The following CTSS variants were observed in gnomAD, a reference collection of about 807,000 sequenced individuals.
The protein encoded by CTSS is cathepsin S.
Under a neutral mutation model 39.9 loss-of-function variants are expected in CTSS, and 15 were observed. The ratio of observed to expected loss-of-function variants is 0.38; its 90% CI spans 0.25 to 0.58. The LOEUF (loss-of-function observed/expected upper bound fraction) is 0.58. Among genes scored for constraint, CTSS ranks in the 20% least tolerant of loss-of-function variants. CTSS has a pLI of 0.70. For missense variants in CTSS, 250 were observed against 398.2 expected (o/e 0.63, Z 3.17); for synonymous variants, 126 against 138.2 (o/e 0.91, Z 0.62).
chr1:150,765,300 T>TTTC (rs200064022), intron 1 of CTSS, among the ~76,000 whole-genome samples: 1 of 149,424 alleles, frequency 6.7e-6, no homozygotes, highest in African/African-American at 2.5e-5. Flanking sequence ...TTTTTTTTTT[T>TTTC]AATGATCAGA....
rs1298264527 is a variant in CTSS at position 150,757,967 on chromosome 1, A to AC, written c.139dup (p.Val47GlyfsTer40). On this transcript the variant is annotated frameshift_variant, in exon 3 of 8. Coordinates refer to ENST00000368985, the MANE Select transcript of CTSS (RefSeq NM_004079.5). LOFTEE classifies it high-confidence loss of function. ...ATTCTTTTCCCAGATGAGACGTCGT[A>AC]CTGCTTCTTCATTCTAAAACATAAT... 1.2e-6 allele frequency: 2 copies of AC among 1,613,778 alleles called. No individual in the cohort carries two copies. The highest frequency in any genetic ancestry group is 3.3e-5 in the Admixed American group (2 of 59,990).
rs149794964 is a variant in CTSS, at chr1:150,740,834, A to T, written c.896+6943T>A. ...CTCAGTCTCCCAAGTAGCTGGGACC[A>T]CAAGTGTGTGTCACCATGCCTGGCT... On this transcript the variant is annotated intron_variant, in intron 7 of 7. Transcript: ENST00000368985. 1.5e-3 allele frequency among the ~76,000 whole-genome samples: 228 copies of T among 151,906 alleles called. 2 individuals are homozygous for T. The highest frequency in any genetic ancestry group is 0.01 in the Middle Eastern group (3 of 294).
chr1:150,762,476 C>T (rs779889406), intron 2 of CTSS, among the ~76,000 whole-genome samples: 2 of 152,066 alleles, frequency 1.3e-5, no homozygotes, highest in Non-Finnish European at 2.9e-5. Context: ...AAACAATTAA[C>T]AGAGTGAAAA....
In CTSS at chr1:150,754,207, A is replaced by G. The variant is rs752574187; in HGVS notation, c.399+794T>C. ...CAGCTCACTGCAACCTCTGCCTCCCAGGTTCAAGTGATTCTCCTGCCTCAC... is the reference window on the plus strand; with the variant it reads ...CAGCTCACTGCAACCTCTGCCTCCCGGGTTCAAGTGATTCTCCTGCCTCAC... On this transcript the variant is annotated intron_variant, in intron 4 of 7. Coordinates refer to ENST00000368985, the MANE Select transcript of CTSS (RefSeq NM_004079.5). Among the ~76,000 whole-genome samples, 17 of 145,976 alleles carry G rather than the reference A, an allele frequency of 1.2e-4. No homozygotes were observed. The South Asian group carries it at 2.2e-3, about 19-fold the overall frequency.
intron 7 of CTSS, among the ~76,000 whole-genome samples, chr1:150,737,741 A>G (rs1181281493): frequency 6.6e-6 from 1 of 152,184 alleles, no homozygotes; most frequent in Admixed American, 6.5e-5. Flanking sequence ...TAAACGAAGA[A>G]ATACTTGATG....
rs919752319 is a variant in CTSS at position 150,740,444 on chromosome 1, G to A, written c.897-7299C>T. Among the ~76,000 whole-genome samples the A allele has an allele frequency of 3.3e-5, 5 of 151,872 alleles. 1 individual carries two copies. Among genetic ancestry groups the A allele is most frequent in the Admixed American group, 2.0e-4 (3 of 15,242 alleles). Reference sequence around the variant, plus strand: ...TGTCACCCCGGCTGGAGTGTGGAGCGCAGTGGTGTGATCTTGGCTCACTGC... The same window carrying A: ...TGTCACCCCGGCTGGAGTGTGGAGCACAGTGGTGTGATCTTGGCTCACTGC... On this transcript the variant is annotated intron_variant, in intron 7 of 7. Transcript: ENST00000368985.
chr1:150,745,696 C>CAGAAATGCATACAGGG (rs1397012761), intron 7 of CTSS, among the ~76,000 whole-genome samples: 1 of 151,860 alleles, frequency 6.6e-6, no homozygotes, highest in African/African-American at 2.4e-5. Context: ...TGAATAGAGA[C>CAGAAATGCATACAGGG]AGAAATGCAT....
At chr1:150,736,491 A>G (rs1052119378) in intron 7 of CTSS, among the ~76,000 whole-genome samples, 2 of 152,218 alleles carry the variant, frequency 1.3e-5, no homozygotes, top group Non-Finnish European at 2.9e-5. Context: ...CATGTAATTT[A>G]TATCCTACTA....
chr1:150,743,726 T>C (rs1314389808), intron 7 of CTSS, among the ~76,000 whole-genome samples: 2 of 48,050 alleles, frequency 4.2e-5, no homozygotes, highest in African/African-American at 1.6e-4. Context: ...TATATGTATA[T>C]TATGTATACA....
chr1:150,750,280 A>T, intron 5 of CTSS, 109 bp from the exon 6 acceptor site: 1 of 843,858 alleles, frequency 1.2e-6, no homozygotes, highest in Non-Finnish European at 1.8e-6. Context: ...TAACTTTTTC[A>T]TGTGTCTAAG....
At chr1:150,740,095 G>T (rs1360150757) in intron 7 of CTSS, among the ~76,000 whole-genome samples, 2 of 152,174 alleles carry the variant, frequency 1.3e-5, no homozygotes, top group African/African-American at 4.8e-5. Flanking sequence ...CTCAATACAT[G>T]TTTGTTGAAT....
chr1:150,738,366 A>G (rs950002859), intron 7 of CTSS, among the ~76,000 whole-genome samples: 1 of 152,200 alleles, frequency 6.6e-6, no homozygotes, highest in Admixed American at 6.5e-5. Flanking sequence ...GAGCAAGTCT[A>G]TCGGCACAAT....
In CTSS at chr1:150,751,961, T is replaced by C. The variant is rs1162928272; in HGVS notation, c.447A>G (p.Glu149=). ...TTCCTGTTTTCAGCTTCAGCTGTGC[T>C]TCCAGGGCCCCCACAGCACTGAAAG... is the stretch of plus-strand genomic sequence containing the variant. ...CWAFSAVGAL[E]AQLKLKTGKL... Residue 149 remains glutamate (E), a synonymous_variant, in exon 5 of 8, where the codon GAA becomes GAG. Coordinates refer to ENST00000368985, the MANE Select transcript of CTSS (RefSeq NM_004079.5). 1 of 1,614,208 alleles carries C rather than the reference T, an allele frequency of 6.2e-7. No homozygotes were observed. The highest frequency in any genetic ancestry group is 8.5e-7 in the Non-Finnish European group (1 of 1,180,042).
At chr1:150,765,287 G>T (rs1653350899) in intron 1 of CTSS, among the ~76,000 whole-genome samples, 4 of 136,946 alleles carry the variant, frequency 2.9e-5, no homozygotes, top group Admixed American at 7.1e-5. Flanking sequence ...TCCTTTTTAC[G>T]TTTTTTTTTT....
At chr1:150,758,944 G>C (rs1167703739) in intron 2 of CTSS, among the ~76,000 whole-genome samples, 1 of 151,162 alleles carries the variant, frequency 6.6e-6, no homozygotes, top group South Asian at 2.1e-4. Context: ...AAACTCTTGG[G>C]CTCAAACTAT....
intron 7 of CTSS, among the ~76,000 whole-genome samples, chr1:150,733,813 T>A (rs1209810639): frequency 6.6e-6 from 1 of 151,730 alleles, no homozygotes. Context: ...AAAAATTTTT[T>A]TTTAATTAGC....
At chr1:150,753,396 A>G (rs748587855) in intron 4 of CTSS, among the ~76,000 whole-genome samples, 9 of 152,258 alleles carry the variant, frequency 5.9e-5, no homozygotes, top group Non-Finnish European at 1.0e-4. Flanking sequence ...AAGACTAGCC[A>G]TGAATTAACT....
intron 7 of CTSS, among the ~76,000 whole-genome samples, chr1:150,741,508 C>A (rs1008106731): frequency 6.6e-6 from 1 of 152,148 alleles, no homozygotes; most frequent in Non-Finnish European, 1.5e-5. Flanking sequence ...TGCTACAATT[C>A]ACATAAGTTG....
intron 7 of CTSS, among the ~76,000 whole-genome samples, chr1:150,741,966 G>A (rs976978361): frequency 4.0e-5 from 6 of 151,792 alleles, no homozygotes; most frequent in Admixed American, 1.3e-4. Context: ...AGGCAGGGTA[G>A]GGTGGCTCAT....
Sources: gnomAD v4.1 joint callset for allele counts (sites outside exome capture counted in the v4.1 genomes callset) on GRCh38, gnomAD v4.1.1 for gene constraint, MANE v1.5 for transcripts, NCBI Gene and HGNC (gene_info 2026-07-23, HGNC 2026-07-21) for gene names.